Variants in ANKRD11 observed in about 807,000 individuals in gnomAD.
The protein encoded by ANKRD11 is ankyrin repeat domain 11.
Under a neutral mutation model 195.7 loss-of-function variants are expected in ANKRD11, and 17 were observed. That is an observed-to-expected ratio of 0.09 (90% CI 0.06 to 0.13). The LOEUF is 0.13. ANKRD11 is among the 10% of genes least tolerant of loss of function. The probability of loss-of-function intolerance (pLI) is 1.00; values close to 1 mark genes in which losing one functional copy is unlikely to be tolerated. For missense variants in ANKRD11, 3,735 were observed against 3,566.1 expected, an observed-to-expected ratio of 1.05 and a Z score of -1.21; for synonymous variants, 1,953 against 1,528.1, an observed-to-expected ratio of 1.28 and a Z score of -6.49.
At chr16:89,358,650 T>C (rs553201551) in intron 2 of ANKRD11, among the ~76,000 whole-genome samples, 4 of 152,326 alleles carry the variant, frequency 2.6e-5, no homozygotes, top group African/African-American at 9.6e-5. Flanking sequence ...TTTCAACTGT[T>C]TACCCAGGAT....
intron 2 of ANKRD11, chr16:89,370,836 T>A (rs1029090884): frequency 6.6e-6 from 1 of 152,584 alleles, no homozygotes; most frequent in Non-Finnish European, 1.5e-5. Flanking sequence ...GGCCGGCTCC[T>A]GAGTGCTCAG....
At chr16:89,471,782 CAAAAAAAAA>C (rs56391654) in intron 1 of ANKRD11, among the ~76,000 whole-genome samples, 14 of 53,502 alleles carry the variant, frequency 2.6e-4, no homozygotes, top group Non-Finnish European at 3.2e-4. Context: ...GACTCTGTCT[CAAAAAAAAA>C]AAAAAAAAAA....
Position 89,291,250 on chromosome 16 carries a change from C to G in ANKRD11, c.227-67G>C. 1 of 1,592,344 alleles carries G rather than the reference C, an allele frequency of 6.3e-7. No individual in the cohort carries two copies. The highest frequency in any genetic ancestry group is 8.5e-7 in the Non-Finnish European group (1 of 1,170,230). The stretch of plus-strand genomic sequence containing the variant: ...CCATGGTGTCCTCCAAAGCTAGGTC[C>G]TTACCTAATGTTACGGAGCCCCCTG... On this transcript the variant is annotated intron_variant, in intron 4 of 12. Transcript: ENST00000301030. This position sits in a 1 kb window ranked among gnomAD's most constrained non-coding sequence, Gnocchi z 5.3.
intron 3 of ANKRD11, among the ~76,000 whole-genome samples, chr16:89,308,325 C>A (rs1412555968): frequency 1.3e-5 from 2 of 152,110 alleles, no homozygotes; most frequent in Admixed American, 6.6e-5. Flanking sequence ...ACAGAAAAGG[C>A]CTGGGATAAA....
At chr16:89,424,493 T>C (rs981185688) in intron 1 of ANKRD11, among the ~76,000 whole-genome samples, 4 of 151,476 alleles carry the variant, frequency 2.6e-5, no homozygotes, top group South Asian at 2.1e-4. Flanking sequence ...CTGTTCTGTG[T>C]GTCTCCAAGC....
intron 2 of ANKRD11, among the ~76,000 whole-genome samples, chr16:89,367,844 C>T (rs1188697059): frequency 6.6e-6 from 1 of 151,942 alleles, no homozygotes; most frequent in East Asian, 1.9e-4. Context: ...CCTGTCTCTA[C>T]AAAAAACAAA....
chr16:89,331,665 G>A (rs2038074624), intron 2 of ANKRD11, among the ~76,000 whole-genome samples: 1 of 152,170 alleles, frequency 6.6e-6, no homozygotes, highest in Non-Finnish European at 1.5e-5. Context: ...CTGTCGCCCA[G>A]GCTGCAGTGT....
At chr16:89,368,091 T>C (rs578257717) in intron 2 of ANKRD11, among the ~76,000 whole-genome samples, 4 of 152,358 alleles carry the variant, frequency 2.6e-5, no homozygotes, top group South Asian at 4.1e-4. Context: ...TGATTTCTAG[T>C]CCTGTTCACA....
In ANKRD11 at chr16:89,285,297, GTCC is replaced by G. The variant is rs781001648; in HGVS notation, c.1242_1244del (p.Glu414del). 6 of 1,613,722 alleles carry G rather than the reference GTCC, an allele frequency of 3.7e-6. No individual in the cohort carries two copies. The East Asian group carries it at 1.1e-4, about 30-fold the overall frequency. On this transcript the variant is annotated inframe_deletion, in exon 9 of 13. Coordinates refer to ENST00000301030, the MANE Select transcript of ANKRD11 (RefSeq NM_013275.6). This position sits in a 1 kb window ranked among gnomAD's most constrained non-coding sequence, Gnocchi z 5.6. ...CTCCTGTCCCCACGGTGACACTCGC[GTCC>G]TCCTCGTCCGACGTGTCTGACAGGA...
chr16:89,422,595 C>T (rs1367277051), intron 1 of ANKRD11, among the ~76,000 whole-genome samples: 3 of 152,194 alleles, frequency 2.0e-5, no homozygotes, highest in Non-Finnish European at 2.9e-5. Flanking sequence ...CCTCTTTCAA[C>T]GCCCTGGGCT....
rs549978136 is a variant in ANKRD11 at position 89,385,006 on chromosome 16, C to T, written c.-60+33278G>A. 3.3e-5 allele frequency among the ~76,000 whole-genome samples: 5 copies of T among 149,296 alleles called. No homozygotes were observed. In the East Asian group the frequency reaches 9.9e-4, roughly 30 times the overall value. ...GTTCAAGTGATTCTCCTGACTCAGCCTCCCAAGTAGCTGGAACTACAGGCA... is the reference window on the plus strand; with the variant it reads ...GTTCAAGTGATTCTCCTGACTCAGCTTCCCAAGTAGCTGGAACTACAGGCA... On this transcript the variant is annotated intron_variant, in intron 2 of 12. Coordinates refer to ENST00000301030, the MANE Select transcript of ANKRD11 (RefSeq NM_013275.6).
In ANKRD11 at chr16:89,407,216, A is replaced by T. The variant is rs140991891; in HGVS notation, c.-60+11068T>A. 2.7e-3 allele frequency among the ~76,000 whole-genome samples: 412 copies of T among 152,234 alleles called. 8 individuals are homozygous for T. The highest frequency in any genetic ancestry group is 9.0e-3 in the African/African-American group (373 of 41,540). Reference sequence around the variant, plus strand: ...GATAAAAAAAAAAGAACACGCAGACAGAAAAGAATGACCTAAGAAGGCACA... The same window carrying T: ...GATAAAAAAAAAAGAACACGCAGACTGAAAAGAATGACCTAAGAAGGCACA... On this transcript the variant is annotated intron_variant, in intron 2 of 12. Coordinates refer to ENST00000301030, the MANE Select transcript of ANKRD11 (RefSeq NM_013275.6).
At chr16:89,438,162 C>T (rs1035230074) in intron 1 of ANKRD11, among the ~76,000 whole-genome samples, 12 of 152,140 alleles carry the variant, frequency 7.9e-5, no homozygotes, top group Non-Finnish European at 1.6e-4. Context: ...AGGAGGCTGG[C>T]ACAACTGGTG....
chr16:89,453,100 A>G (rs1393361497), intron 1 of ANKRD11, among the ~76,000 whole-genome samples: 6 of 152,154 alleles, frequency 3.9e-5, no homozygotes, highest in Non-Finnish European at 7.4e-5. Flanking sequence ...AGAACATCTG[A>G]AGCACATTTC....
intron 1 of ANKRD11, among the ~76,000 whole-genome samples, chr16:89,422,970 G>A (rs890205729): frequency 6.6e-6 from 1 of 151,824 alleles, no homozygotes; most frequent in Admixed American, 6.6e-5. Context: ...TCTTCAATCC[G>A]CTAAGATGAG....
chr16:89,282,564 C>T lies in ANKRD11; in HGVS notation c.3978G>A (p.Thr1326=), dbSNP rs200351769. 129 of 1,613,888 alleles carry T rather than the reference C, an allele frequency of 8.0e-5. No individual in the cohort carries two copies. Among genetic ancestry groups the T allele is most frequent in the Non-Finnish European group, 1.1e-4 (128 of 1,179,962 alleles). The stretch of plus-strand genomic sequence containing the variant: ...TCGGCTTGTCGTCTCCAGGTGGCTC[C>T]GTGAAAGAGACCTCCAGGAAGGCAG... The part of the protein sequence containing the change: ...GLTAFLEVSF[T]EPPGDDKPRE... The change falls in exon 9 of 13, where the codon ACG becomes ACA. Residue 1326 remains threonine (T), a synonymous_variant. Coordinates refer to ENST00000301030, the MANE Select transcript of ANKRD11 (RefSeq NM_013275.6).
At position 89,285,355 on chromosome 16, in the gene ANKRD11, G is replaced by T; in HGVS notation, c.1187C>A (p.Thr396Lys). Residue 396 changes from threonine to lysine, a missense_variant, in exon 9 of 13, where the codon ACG becomes AAG. Thr to Lys is a moderately conservative substitution (Grantham distance 78, BLOSUM62 -1). Transcript: ENST00000301030. This position sits in a 1 kb window ranked among gnomAD's most constrained non-coding sequence, Gnocchi z 5.6. ...ATGGGACGCTTTCTTTGGTGCAATCGTGTTATTTTTAGTGTAACTTTTAAC... is the reference window on the plus strand; with the variant it reads ...ATGGGACGCTTTCTTTGGTGCAATCTTGTTATTTTTAGTGTAACTTTTAAC... ...MEVKSYTKNN[T>K]IAPKKASHRI... 2 of 1,614,050 alleles carry T rather than the reference G, an allele frequency of 1.2e-6. No homozygotes were observed. Among genetic ancestry groups the T allele is most frequent in the Non-Finnish European group, 1.7e-6 (2 of 1,180,032 alleles).
chr16:89,353,605 G>T (rs949719479), intron 2 of ANKRD11, among the ~76,000 whole-genome samples: 1 of 151,968 alleles, frequency 6.6e-6, no homozygotes, highest in Non-Finnish European at 1.5e-5. Context: ...AGCCTCCCTA[G>T]TAGCTGGGAT....
chr16:89,313,364 C>G, intron 3 of ANKRD11: 1 of 1,287,740 alleles, frequency 7.8e-7, no homozygotes, highest in African/African-American at 1.5e-5. Flanking sequence ...CTGGTTCTTC[C>G]CGAGGCAGCT....
Sources: allele counts gnomAD v4.1 joint callset (sites outside exome capture counted in the v4.1 genomes callset), GRCh38; gene constraint gnomAD v4.1.1; non-coding constraint Gnocchi (gnomAD v3.1); transcripts MANE v1.5; gene names NCBI Gene and HGNC (gene_info 2026-07-23, HGNC 2026-07-21).